The following CDH13 variants were observed in gnomAD, a reference collection of about 807,000 sequenced individuals.
The protein encoded by CDH13 is cadherin-13.
A neutral mutation model predicts 63.8 loss-of-function variants in CDH13; 24 were observed. The ratio of observed to expected loss-of-function variants is 0.38; its 90% CI spans 0.27 to 0.53. The LOEUF (loss-of-function observed/expected upper bound fraction) is 0.53. CDH13 is among the 20% of genes least tolerant of loss of function. The pLI is 0.85. For missense variants in CDH13, 1,049 were observed against 903.1 expected (o/e 1.16, Z -2.07); for synonymous variants, 503 against 355.3 (o/e 1.42, Z -4.67).
intron 2 of CDH13, among the ~76,000 whole-genome samples, chr16:82,909,363 G>C (rs1293576822): frequency 2.6e-5 from 4 of 151,872 alleles, no homozygotes; most frequent in Non-Finnish European, 5.9e-5. Flanking sequence ...AATAAAATGT[G>C]TGCGTTAAAT....
At chr16:82,836,599 C>G (rs1355902059) in intron 1 of CDH13, among the ~76,000 whole-genome samples, 1 of 152,100 alleles carries the variant, frequency 6.6e-6, no homozygotes, top group Non-Finnish European at 1.5e-5. Flanking sequence ...CAGAAGAGCA[C>G]AGATAAGTTC....
intron 2 of CDH13, among the ~76,000 whole-genome samples, chr16:82,976,123 A>T (rs566597588): frequency 6.6e-6 from 1 of 152,218 alleles, no homozygotes; most frequent in Non-Finnish European, 1.5e-5. Context: ...ATTTTTCAAG[A>T]TAAGATTTGT....
At chr16:83,017,105 A>G (rs1219190137) in intron 2 of CDH13, among the ~76,000 whole-genome samples, 1 of 152,216 alleles carries the variant, frequency 6.6e-6, no homozygotes, top group African/African-American at 2.4e-5. Context: ...AAGAAAGAAC[A>G]CTAGTAACAG....
intron 2 of CDH13, among the ~76,000 whole-genome samples, chr16:82,943,059 T>C (rs138860153): frequency 5.9e-5 from 9 of 152,344 alleles, no homozygotes; most frequent in Non-Finnish European, 1.3e-4. Context: ...ACTATCAATA[T>C]GTGTCCAAAA....
At chr16:83,003,712 G>A (rs755809766) in intron 2 of CDH13, among the ~76,000 whole-genome samples, 4 of 152,176 alleles carry the variant, frequency 2.6e-5, no homozygotes, top group African/African-American at 4.8e-5. Flanking sequence ...TAGCATTAGA[G>A]CACAGAGAAG....
At chr16:83,170,179 T>G (rs1300670437) in intron 4 of CDH13, among the ~76,000 whole-genome samples, 1 of 152,178 alleles carries the variant, frequency 6.6e-6, no homozygotes, top group Non-Finnish European at 1.5e-5. Flanking sequence ...TTTTATAATG[T>G]GTCTTAACAC....
At chr16:82,701,575 A>C (rs1409163596) in intron 1 of CDH13, among the ~76,000 whole-genome samples, 4 of 152,074 alleles carry the variant, frequency 2.6e-5, no homozygotes, top group African/African-American at 9.7e-5. Flanking sequence ...CATCAGGAAT[A>C]TGTCCTATTT....
chr16:83,514,688 A>C (rs1270402724), intron 7 of CDH13, among the ~76,000 whole-genome samples: 1 of 152,130 alleles, frequency 6.6e-6, no homozygotes. Context: ...AGACACACAG[A>C]AGATCCAGGA....
intron 6 of CDH13, among the ~76,000 whole-genome samples, chr16:83,371,002 C>G (rs547660943): frequency 6.6e-6 from 1 of 152,270 alleles, no homozygotes; most frequent in African/African-American, 2.4e-5. Context: ...TCACACCAGT[C>G]AGAATGGCTA....
At chr16:83,097,833 A>C (rs2034283305) in intron 3 of CDH13, among the ~76,000 whole-genome samples, 1 of 152,240 alleles carries the variant, frequency 6.6e-6, no homozygotes, top group African/African-American at 2.4e-5. Flanking sequence ...CTTTAATATC[A>C]TGCTAAGAGG....
At chr16:83,368,030 G>A (rs1218000260) in intron 6 of CDH13, among the ~76,000 whole-genome samples, 1 of 152,134 alleles carries the variant, frequency 6.6e-6, no homozygotes, top group African/African-American at 2.4e-5. Flanking sequence ...TATATTTGAT[G>A]ATATTGTAAA....
intron 5 of CDH13, among the ~76,000 whole-genome samples, chr16:83,242,029 G>C (rs1904506682): frequency 6.6e-6 from 1 of 152,066 alleles, no homozygotes; most frequent in African/African-American, 2.4e-5. Flanking sequence ...ATGAGGTAAG[G>C]GTCTAAGTTC....
rs117815716 is a variant in CDH13, at chr16:82,688,107, G to A, written c.45+60970G>A. Among the ~76,000 whole-genome samples the A allele has an allele frequency of 4.2e-3, 638 of 152,188 alleles. 10 individuals carry two copies. Among genetic ancestry groups the A allele is most frequent in the Non-Finnish European group, 5.2e-3 (356 of 68,004 alleles). On this transcript the variant is annotated intron_variant, in intron 1 of 13. Coordinates refer to ENST00000567109, the MANE Select transcript of CDH13 (RefSeq NM_001257.5). Reference sequence around the variant, plus strand: ...CCTTTTTGTGAAGCTGGGTTACTGGGGTTTCTGTCCTGGAATCTCTAAACA... The same window carrying A: ...CCTTTTTGTGAAGCTGGGTTACTGGAGTTTCTGTCCTGGAATCTCTAAACA...
At chr16:83,238,209 C>A (rs571920985) in intron 5 of CDH13, among the ~76,000 whole-genome samples, 1 of 105,144 alleles carries the variant, frequency 9.5e-6, no homozygotes, top group Non-Finnish European at 2.0e-5. Flanking sequence ...ATACCTGAGA[C>A]TGGGTAATTC....
intron 5 of CDH13, among the ~76,000 whole-genome samples, chr16:83,278,700 T>C (rs2089069428): frequency 1.3e-5 from 2 of 152,138 alleles, no homozygotes. Context: ...CTTTCATATG[T>C]CAGCAGAGAA....
chr16:83,351,808 G>A (rs2090957040), intron 6 of CDH13, among the ~76,000 whole-genome samples: 1 of 152,176 alleles, frequency 6.6e-6, no homozygotes, highest in African/African-American at 2.4e-5. Context: ...CTAATCAGAG[G>A]ATTTTAGTCT....
chr16:83,649,150 A>G (rs185823276), intron 8 of CDH13, among the ~76,000 whole-genome samples: 2 of 152,340 alleles, frequency 1.3e-5, no homozygotes, highest in African/African-American at 4.8e-5. Context: ...CAGTGAGGTT[A>G]AAGTGGCCAC....
At chr16:83,592,590 T>C (rs1906863881) in intron 7 of CDH13, among the ~76,000 whole-genome samples, 1 of 152,182 alleles carries the variant, frequency 6.6e-6, no homozygotes. Flanking sequence ...GGAAATGTTT[T>C]ATTTGATTTT....
chr16:83,167,283 G>C (rs922517154), intron 4 of CDH13, among the ~76,000 whole-genome samples: 1 of 151,642 alleles, frequency 6.6e-6, no homozygotes, highest in Non-Finnish European at 1.5e-5. Context: ...GATCACTTGA[G>C]GTCAGGAGTT....
Sources: gnomAD v4.1 joint callset for allele counts (sites outside exome capture counted in the v4.1 genomes callset) on GRCh38, gnomAD v4.1.1 for gene constraint, MANE v1.5 for transcripts, NCBI Gene and HGNC (gene_info 2026-07-23, HGNC 2026-07-21) for gene names.